Variants in KIAA2012 observed in about 807,000 individuals in gnomAD.
The protein encoded by KIAA2012 is KIAA2012, also known as uncharacterized protein KIAA2012.
In KIAA2012, 125 loss-of-function variants were observed where a neutral mutation model predicts 150.6. The ratio of observed to expected loss-of-function variants is 0.83; its 90% CI spans 0.72 to 0.96. The LOEUF (loss-of-function observed/expected upper bound fraction) is 0.96, where lower values mean the gene tolerates loss of function less well. KIAA2012 is among the 40% of genes least tolerant of loss of function. The probability of loss-of-function intolerance (pLI) is 0.00; values close to 1 mark genes in which losing one functional copy is unlikely to be tolerated. For synonymous variants in KIAA2012, 462 were observed against 504.7 expected (o/e 0.92, Z 1.13); for missense variants, 1,219 against 1,354.9 (o/e 0.90, Z 1.57).
At chr2:202,098,836 GCA>G (rs1165990872) in intron 5 of KIAA2012, among the ~76,000 whole-genome samples, 6 of 150,158 alleles carry the variant, frequency 4.0e-5, no homozygotes, top group Non-Finnish European at 8.9e-5. Context: ...GCGCGCGCGC[GCA>G]GGATAACAAT....
chr2:202,094,997 G>C (rs1689829244), intron 4 of KIAA2012, among the ~76,000 whole-genome samples: 1 of 152,040 alleles, frequency 6.6e-6, no homozygotes, highest in Non-Finnish European at 1.5e-5. Context: ...AGCCACTCTG[G>C]GCCTTGGTTT....
rs1370406620 is a variant in KIAA2012, at chr2:202,183,495, TTGA to T, written c.2120-1257_2120-1255del. Among the ~76,000 whole-genome samples the T allele has an allele frequency of 3.5e-3, 516 of 145,796 alleles. 2 individuals carry two copies. Among genetic ancestry groups the T allele is most frequent in the Non-Finnish European group, 6.3e-3 (423 of 67,138 alleles). Reference sequence around the variant, plus strand: ...TTTTAAATTTTTTTTTTTTTTTTTTTTGAGACAGTCTCACTGGAGTGCAGTGGT... The same window carrying T: ...TTTTAAATTTTTTTTTTTTTTTTTTTGACAGTCTCACTGGAGTGCAGTGGT... On this transcript the variant is annotated intron_variant, in intron 15 of 23. Transcript: ENST00000498697.
intron 9 of KIAA2012, among the ~76,000 whole-genome samples, chr2:202,107,399 C>T (rs1690224884): frequency 1.3e-5 from 2 of 152,080 alleles, no homozygotes; most frequent in Admixed American, 1.3e-4. Flanking sequence ...TTTAATGTTT[C>T]CTTTTTCAAA....
Position 202,196,996 on chromosome 2 carries a change from G to C in KIAA2012, c.3384G>C (p.Thr1128=). 6.4e-7 allele frequency: 1 copy of C among 1,550,586 alleles called. No individual in the cohort carries two copies. Among genetic ancestry groups the C allele is most frequent in the African/African-American group, 1.4e-5 (1 of 73,148 alleles). The change falls in exon 22 of 24, where the codon ACG becomes ACC. Residue 1128 remains threonine, a synonymous_variant. Coordinates refer to ENST00000498697, the MANE Select transcript of KIAA2012 (RefSeq NM_001277372.4). Reference sequence around the variant, plus strand: ...CAAGACTGGCTCTGGAAGAAGCCACGAAACAAGCCCAGGAACAAGCCAGGT... The same window carrying C: ...CAAGACTGGCTCTGGAAGAAGCCACCAAACAAGCCCAGGAACAAGCCAGGT... ...EAARLALEEA[T]KQAQEQARQK...
At chr2:202,203,839 G>T (rs1320967674) in intron 23 of KIAA2012, among the ~76,000 whole-genome samples, 1 of 150,146 alleles carries the variant, frequency 6.7e-6, no homozygotes, top group Non-Finnish European at 1.5e-5. Flanking sequence ...GCACGATCTC[G>T]GCTCACTGCA....
At chr2:202,194,415 C>G in intron 21 of KIAA2012, 53 bp downstream of exon 21, 1 of 1,537,164 alleles carries the variant, frequency 6.5e-7, no homozygotes, top group South Asian at 1.2e-5. Context: ...GGCAGAAACA[C>G]TTTTATCCAG....
In KIAA2012 at chr2:202,187,427, C is replaced by A. The variant is rs578229778; in HGVS notation, c.2376+329C>A. ...TCAAGTGATTCTCCTGCCTCAGCCT[C>A]CTGAGTAGCTGGGATTACAGGCATG... On this transcript the variant is annotated intron_variant, in intron 17 of 23. Coordinates refer to ENST00000498697, the MANE Select transcript of KIAA2012 (RefSeq NM_001277372.4). 9.3e-4 allele frequency among the ~76,000 whole-genome samples: 142 copies of A among 152,298 alleles called. 1 individual carries two copies. In the Middle Eastern group the frequency reaches 0.014, roughly 15 times the overall value.
intron 7 of KIAA2012, among the ~76,000 whole-genome samples, chr2:202,102,474 G>A (rs1690072101): frequency 6.6e-6 from 1 of 152,136 alleles, no homozygotes; most frequent in Non-Finnish European, 1.5e-5. Flanking sequence ...TTTTACAGAG[G>A]AAGAAATTGT....
At chr2:202,133,109 A>AAAT (rs766606713) in intron 12 of KIAA2012, among the ~76,000 whole-genome samples, 2 of 87,886 alleles carry the variant, frequency 2.3e-5, no homozygotes, top group Admixed American at 1.3e-4. Flanking sequence ...TCTAAAAAAA[A>AAAT]ATATATATAT....
intron 19 of KIAA2012, among the ~76,000 whole-genome samples, chr2:202,193,051 A>G (rs966367015): frequency 2.0e-5 from 3 of 152,234 alleles, no homozygotes; most frequent in African/African-American, 7.2e-5. Context: ...ACCATGAGGA[A>G]GACAATATCG....
At chr2:202,190,681 G>A (rs563095076) in intron 19 of KIAA2012, among the ~76,000 whole-genome samples, 188 bp downstream of exon 19, 3 of 152,284 alleles carry the variant, frequency 2.0e-5, no homozygotes, top group Admixed American at 6.5e-5. Context: ...AGATGCAGGG[G>A]TAGCAAAGCC....
chr2:202,190,392 A>T lies in KIAA2012; in HGVS notation c.2710A>T (p.Ser904Cys). 2 of 1,550,676 alleles carry T rather than the reference A, an allele frequency of 1.3e-6. No homozygotes were observed. Among genetic ancestry groups the T allele is most frequent in the Non-Finnish European group, 1.7e-6 (2 of 1,146,962 alleles). The change falls in exon 19 of 24, where the codon AGC becomes TGC. Residue 904 changes from serine (S) to cysteine (C), a missense_variant. Ser to Cys is a moderately radical substitution (Grantham distance 112, BLOSUM62 -1). Transcript: ENST00000498697. Reference sequence around the variant, plus strand: ...TTCTCCCAAATATGATGCCCAGGAAAGCCAAGTTTCTCTAGATGGAAGATC... The same window carrying T: ...TTCTCCCAAATATGATGCCCAGGAATGCCAAGTTTCTCTAGATGGAAGATC... ...WLSPKYDAQE[S>C]QVSLDGRSSP...
chr2:202,198,976 A>G (rs1356789726), intron 22 of KIAA2012, among the ~76,000 whole-genome samples: 3 of 152,204 alleles, frequency 2.0e-5, no homozygotes, highest in African/African-American at 7.2e-5. Context: ...TTTCAAAATT[A>G]TGTATTCCAT....
chr2:202,115,256 G>A (rs1285946136), intron 11 of KIAA2012: 1 of 151,970 alleles, frequency 6.6e-6, no homozygotes, highest in Non-Finnish European at 1.5e-5. Flanking sequence ...ACCTATAATT[G>A]CTCCAACCAC....
intron 15 of KIAA2012, 45 bp from the exon 16 acceptor site, chr2:202,184,708 A>C: frequency 7.3e-7 from 1 of 1,370,584 alleles, no homozygotes; most frequent in South Asian, 1.4e-5. Context: ...TCCTCCTAGG[A>C]TAACTGCCTG....
intron 4 of KIAA2012, among the ~76,000 whole-genome samples, chr2:202,094,706 A>G (rs1681288596): frequency 6.6e-6 from 1 of 151,928 alleles, no homozygotes; most frequent in Non-Finnish European, 1.5e-5. Flanking sequence ...TTTTGTAGAG[A>G]TGGGGTTTCA....
Position 202,165,282 on chromosome 2 carries a change from A to C in KIAA2012, c.2047-2A>C. ...ATTCTTTGTTGTGTGTTAACCCAAT[A>C]GGAAAGTGGAAATGCACTGGACTAT... On this transcript the variant is annotated splice_acceptor_variant, in intron 14 of 23. Coordinates refer to ENST00000498697, the MANE Select transcript of KIAA2012 (RefSeq NM_001277372.4). LOFTEE classifies it high-confidence loss of function. The C allele has an allele frequency of 6.5e-7, 1 of 1,550,164 alleles. No homozygotes were observed. The highest frequency in any genetic ancestry group is 8.7e-7 in the Non-Finnish European group (1 of 1,146,630).
intron 13 of KIAA2012, among the ~76,000 whole-genome samples, chr2:202,143,505 A>G (rs1358231833): frequency 1.3e-5 from 2 of 150,824 alleles, no homozygotes; most frequent in African/African-American, 4.9e-5. Flanking sequence ...AAGTGCTGTC[A>G]TGCTAACTTG....
chr2:202,075,121 A>G lies in KIAA2012; in HGVS notation c.315A>G (p.Glu105=). The part of the protein sequence containing the change: ...PRGPWRKLDL[E]LHTLQDLKEA... The stretch of plus-strand genomic sequence containing the variant: ...GTCCCTGGAGGAAGCTGGATCTTGA[A>G]CTGCACACACTTCAAGACCTCAAAG... Residue 105 remains glutamate, a synonymous_variant, in exon 2 of 24, where the codon GAA becomes GAG. Coordinates refer to ENST00000498697, the MANE Select transcript of KIAA2012 (RefSeq NM_001277372.4). 6.5e-7 allele frequency: 1 copy of G among 1,550,326 alleles called. No individual in the cohort carries two copies. Among genetic ancestry groups the G allele is most frequent in the South Asian group, 1.2e-5 (1 of 84,020 alleles).
Sources: gnomAD v4.1 joint callset for allele counts (sites outside exome capture counted in the v4.1 genomes callset) on GRCh38, gnomAD v4.1.1 for gene constraint, MANE v1.5 for transcripts, NCBI Gene and HGNC (gene_info 2026-07-23, HGNC 2026-07-21) for gene names.